The following AGBL4 variants were observed in gnomAD, a reference collection of about 807,000 sequenced individuals.
The protein encoded by AGBL4 is AGBL carboxypeptidase 4.
A neutral mutation model predicts 66.4 loss-of-function variants in AGBL4; 58 were observed. That is an observed-to-expected ratio of 0.87 (90% CI 0.71 to 1.09). AGBL4 has a LOEUF of 1.09. Among genes scored for constraint, AGBL4 ranks in the 50% least tolerant of loss-of-function variants. The pLI is 0.00. For synonymous variants in AGBL4, 234 were observed against 222.9 expected (o/e 1.05, Z -0.44); for missense variants, 579 against 631.0 (o/e 0.92, Z 0.88).
intron 6 of AGBL4, among the ~76,000 whole-genome samples, chr1:48,748,063 C>T (rs929235724): frequency 2.0e-5 from 3 of 152,106 alleles, no homozygotes; most frequent in African/African-American, 7.2e-5. Flanking sequence ...GCGTACAGAA[C>T]ATCTGCTGTG....
At chr1:49,218,796 G>A (rs563001331) in intron 4 of AGBL4, among the ~76,000 whole-genome samples, 25 of 152,148 alleles carry the variant, frequency 1.6e-4, no homozygotes, top group African/African-American at 4.8e-4. Context: ...GGGACACAGC[G>A]GGAGGTAACT....
chr1:49,837,719 C>G (rs1388328458), intron 2 of AGBL4, among the ~76,000 whole-genome samples: 1 of 152,180 alleles, frequency 6.6e-6, no homozygotes, highest in Non-Finnish European at 1.5e-5. Flanking sequence ...GTGGCAGGCA[C>G]CTGTAGTTCC....
chr1:48,825,913 G>A (rs1413789994), intron 6 of AGBL4, among the ~76,000 whole-genome samples: 9 of 152,150 alleles, frequency 5.9e-5, no homozygotes, highest in Admixed American at 4.6e-4. Context: ...AAGATTTAGG[G>A]GGGAAGAAAT....
chr1:49,879,431 G>A (rs1647142775), intron 1 of AGBL4, among the ~76,000 whole-genome samples: 1 of 148,270 alleles, frequency 6.7e-6, no homozygotes, highest in African/African-American at 2.5e-5. Context: ...GCTTAGTTTG[G>A]CTGGATATGA....
intron 1 of AGBL4, among the ~76,000 whole-genome samples, chr1:49,908,502 G>T (rs1393600847): frequency 6.6e-6 from 1 of 152,174 alleles, no homozygotes; most frequent in African/African-American, 2.4e-5. Flanking sequence ...ATGATTGTGA[G>T]CTTCCTGAGT....
At chr1:49,732,555 TAGAG>T (rs1156353656) in intron 2 of AGBL4, among the ~76,000 whole-genome samples, 1 of 152,010 alleles carries the variant, frequency 6.6e-6, no homozygotes, top group Non-Finnish European at 1.5e-5. Flanking sequence ...AATGAACAAT[TAGAG>T]AGTCCCAAAA....
At chr1:48,851,688 A>G (rs1307441787) in intron 6 of AGBL4, among the ~76,000 whole-genome samples, 1 of 152,194 alleles carries the variant, frequency 6.6e-6, no homozygotes, top group Non-Finnish European at 1.5e-5. Context: ...CAGAAAGGAA[A>G]TCCTTTGTAA....
chr1:48,659,149 A>G (rs1460558827), intron 7 of AGBL4, among the ~76,000 whole-genome samples: 1 of 152,102 alleles, frequency 6.6e-6, no homozygotes, highest in African/African-American at 2.4e-5. Context: ...AGTGAAGGTG[A>G]AGAGGGGATT....
At chr1:49,886,685 C>T (rs533308705) in intron 1 of AGBL4, among the ~76,000 whole-genome samples, 2 of 152,104 alleles carry the variant, frequency 1.3e-5, no homozygotes, top group African/African-American at 2.4e-5. Flanking sequence ...CCCTGTCATG[C>T]AGAAGCAGAG....
chr1:49,591,852 C>A (rs1644757570), intron 3 of AGBL4, among the ~76,000 whole-genome samples: 1 of 152,086 alleles, frequency 6.6e-6, no homozygotes, highest in African/African-American at 2.4e-5. Context: ...GGTCCCTATT[C>A]AATAAATGGT....
intron 5 of AGBL4, among the ~76,000 whole-genome samples, chr1:48,949,799 C>T (rs762837687): frequency 5.3e-5 from 8 of 152,108 alleles, no homozygotes; most frequent in African/African-American, 9.7e-5. Flanking sequence ...ATGGAGGTAC[C>T]GGGGAAGAAG....
intron 6 of AGBL4, among the ~76,000 whole-genome samples, chr1:48,664,059 A>G (rs998714593): frequency 2.0e-5 from 3 of 152,226 alleles, no homozygotes; most frequent in African/African-American, 4.8e-5. Context: ...AGGAAAACAA[A>G]TGAGATATGC....
rs1008847859 is a variant in AGBL4, at chr1:48,534,897, G to A, written c.1384C>T (p.Gln462Ter). ...PRLRNKEIEV[Q>*]RRKEKSPPYK... ...CTTGAAGCAGTTCCTTACCTTCTCT[G>A]GACTTCTATTTCTTTATTTCTAAAA... The change falls in exon 13 of 14, where the codon CAG (glutamine) becomes TAG (stop). Residue 462 changes from glutamine to a stop codon, truncating the protein, a stop_gained. Transcript: ENST00000371839. LOFTEE classifies it high-confidence loss of function. 2 of 1,551,276 alleles carry A rather than the reference G, an allele frequency of 1.3e-6. No individual in the cohort carries two copies.
chr1:49,458,132 T>G (rs561977488), intron 3 of AGBL4, among the ~76,000 whole-genome samples: 104 of 151,940 alleles, frequency 6.8e-4, no homozygotes, highest in African/African-American at 2.4e-3. Flanking sequence ...AATTGTAGAT[T>G]GCTTTTGGCA....
intron 11 of AGBL4, among the ~76,000 whole-genome samples, chr1:48,581,576 C>A (rs150285856): frequency 2.0e-5 from 3 of 152,284 alleles, no homozygotes; most frequent in Admixed American, 2.0e-4. Flanking sequence ...ATCGTTTGAA[C>A]AGAGCATATT....
chr1:49,445,104 TG>T (rs1646124390), intron 3 of AGBL4, among the ~76,000 whole-genome samples: 2 of 152,208 alleles, frequency 1.3e-5, no homozygotes, highest in South Asian at 4.1e-4. Context: ...TCTTCATTTA[TG>T]AAAGATTTCT....
chr1:49,291,370 G>C (rs1644530210), intron 3 of AGBL4, among the ~76,000 whole-genome samples: 1 of 151,702 alleles, frequency 6.6e-6, no homozygotes, highest in African/African-American at 2.4e-5. Flanking sequence ...GACATTACAA[G>C]AAAAAAGGAT....
chr1:48,964,295 G>A (rs888894038), intron 5 of AGBL4, among the ~76,000 whole-genome samples: 31 of 152,254 alleles, frequency 2.0e-4, no homozygotes, highest in African/African-American at 7.5e-4. Flanking sequence ...TGATCTCCGA[G>A]CAATATCCAC....
At chr1:48,534,793 T>C in intron 13 of AGBL4, 97 bp downstream of exon 13, 1 of 1,292,250 alleles carries the variant, frequency 7.7e-7, no homozygotes, top group Non-Finnish European at 1.1e-6. Flanking sequence ...AGAGCCTTGC[T>C]AACATAACAA....
Sources: gnomAD v4.1 joint callset for allele counts (sites outside exome capture counted in the v4.1 genomes callset) on GRCh38, gnomAD v4.1.1 for gene constraint, MANE v1.5 for transcripts, NCBI Gene and HGNC (gene_info 2026-07-23, HGNC 2026-07-21) for gene names.